Variants in NRXN3 observed in about 807,000 individuals in gnomAD.
The protein encoded by NRXN3 is neurexin 3.
In NRXN3, 32 loss-of-function variants were observed where a neutral mutation model predicts 137.6. The ratio of observed to expected loss-of-function variants is 0.23; its 90% CI spans 0.18 to 0.31. NRXN3 has a LOEUF of 0.31. Among genes scored for constraint, NRXN3 ranks in the 10% least tolerant of loss-of-function variants. The pLI is 1.00. For missense variants in NRXN3, 1,574 were observed against 2,062.5 expected (o/e 0.76, Z 4.59); for synonymous variants, 798 against 784.5 (o/e 1.02, Z -0.29).
At chr14:79,639,014 C>G (rs221472) in intron 16 of NRXN3, among the ~76,000 whole-genome samples, 6,373 of 152,188 alleles carry the variant, frequency 0.042, 488 homozygotes, top group African/African-American at 0.14. Context: ...CCTTTCATCT[C>G]TCTGTAATAC....
At chr14:79,118,155 G>GAAAAAAAA (rs761184450) in intron 15 of NRXN3, among the ~76,000 whole-genome samples, 1 of 117,900 alleles carries the variant, frequency 8.5e-6, no homozygotes. Context: ...ATACATGAGG[G>GAAAAAAAA]AAAAAAAAAA....
At chr14:78,415,540 C>T (rs1375781087) in intron 4 of NRXN3, among the ~76,000 whole-genome samples, 1 of 152,160 alleles carries the variant, frequency 6.6e-6, no homozygotes, top group Non-Finnish European at 1.5e-5. Context: ...AGGAAGGCTC[C>T]TTCACAAGAC....
At chr14:78,963,342 C>A (rs1430022204) in intron 11 of NRXN3, among the ~76,000 whole-genome samples, 1 of 152,100 alleles carries the variant, frequency 6.6e-6, no homozygotes, top group Middle Eastern at 3.2e-3. Flanking sequence ...ATTCTGACTT[C>A]TTAGTTCTCA....
intron 15 of NRXN3, among the ~76,000 whole-genome samples, chr14:79,238,256 AG>A (rs2153327586): frequency 6.6e-6 from 1 of 152,036 alleles, no homozygotes; most frequent in African/African-American, 2.4e-5. Context: ...TTATGTAGTT[AG>A]TTCTGGTTGT....
chr14:78,390,934 A>G (rs2090668627), intron 4 of NRXN3, among the ~76,000 whole-genome samples: 1 of 151,564 alleles, frequency 6.6e-6, no homozygotes, highest in South Asian at 2.1e-4. Flanking sequence ...TGCTCTCCCC[A>G]CCTCCATCCC....
intron 15 of NRXN3, among the ~76,000 whole-genome samples, chr14:79,082,575 C>T (rs2047277226): frequency 1.3e-5 from 2 of 152,062 alleles, no homozygotes; most frequent in South Asian, 2.1e-4. Flanking sequence ...CAGATTATCT[C>T]CAGTCTGAGT....
chr14:78,630,408 G>A (rs1421022462), intron 4 of NRXN3, among the ~76,000 whole-genome samples: 1 of 152,142 alleles, frequency 6.6e-6, no homozygotes, highest in Non-Finnish European at 1.5e-5. Flanking sequence ...AACCAAAAAA[G>A]TAGAAAGGAG....
intron 15 of NRXN3, among the ~76,000 whole-genome samples, chr14:79,149,711 G>A (rs1046722625): frequency 2.6e-5 from 4 of 152,128 alleles, no homozygotes; most frequent in South Asian, 2.1e-4. Context: ...TTGCAGGGAC[G>A]TGGAAGGAGC....
chr14:79,048,595 C>T (rs1019386627), intron 15 of NRXN3, among the ~76,000 whole-genome samples: 33 of 150,280 alleles, frequency 2.2e-4, no homozygotes, highest in African/African-American at 7.6e-4. Flanking sequence ...CTAAAAAATG[C>T]GAATGATTAT....
At chr14:78,450,157 A>G (rs2094517643) in intron 4 of NRXN3, among the ~76,000 whole-genome samples, 1 of 152,242 alleles carries the variant, frequency 6.6e-6, no homozygotes, top group Admixed American at 6.5e-5. Flanking sequence ...GACTGGGTAT[A>G]GGTATTAGAG....
chr14:79,766,883 C>T (rs527826509), intron 19 of NRXN3, among the ~76,000 whole-genome samples: 1 of 152,230 alleles, frequency 6.6e-6, no homozygotes, highest in South Asian at 2.1e-4. Context: ...TTTGGAATTG[C>T]AAGTAGTCTG....
At chr14:79,275,895 G>C (rs76957836) in intron 15 of NRXN3, among the ~76,000 whole-genome samples, 31 of 152,282 alleles carry the variant, frequency 2.0e-4, no homozygotes, top group South Asian at 1.9e-3. Context: ...GGAGCTAAGC[G>C]TGGTTGTTCC....
intron 20 of NRXN3, among the ~76,000 whole-genome samples, chr14:79,837,941 C>T (rs1472561877): frequency 1.3e-5 from 2 of 152,088 alleles, no homozygotes; most frequent in Non-Finnish European, 2.9e-5. Context: ...TTATATTTGT[C>T]TTATAGATAT....
intron 19 of NRXN3, among the ~76,000 whole-genome samples, chr14:79,770,193 C>T (rs1440033608): frequency 6.6e-6 from 1 of 152,116 alleles, no homozygotes; most frequent in African/African-American, 2.4e-5. Flanking sequence ...TAACACCCCA[C>T]TGTTAACATT....
At chr14:78,750,615 C>A (rs1240461625) in intron 8 of NRXN3, among the ~76,000 whole-genome samples, 2 of 152,198 alleles carry the variant, frequency 1.3e-5, no homozygotes, top group Non-Finnish European at 2.9e-5. Flanking sequence ...CACCTGCTTA[C>A]CCTCCTCTTC....
intron 15 of NRXN3, among the ~76,000 whole-genome samples, chr14:79,343,463 T>A (rs1013250158): frequency 6.6e-6 from 1 of 152,162 alleles, no homozygotes; most frequent in South Asian, 2.1e-4. Flanking sequence ...AAGGCGGTTT[T>A]ATAACTGAAA....
chr14:79,273,399 C>T (rs1191213282), intron 15 of NRXN3, among the ~76,000 whole-genome samples: 1 of 151,760 alleles, frequency 6.6e-6, no homozygotes, highest in African/African-American at 2.4e-5. Context: ...CTTTGGGAGG[C>T]CAAGACGAGC....
intron 5 of NRXN3, among the ~76,000 whole-genome samples, chr14:78,646,523 C>T (rs898171603): frequency 1.5e-4 from 23 of 152,126 alleles, no homozygotes; most frequent in African/African-American, 3.1e-4. Context: ...AATGTGAAAG[C>T]GTAAGAAATG....
intron 10 of NRXN3, among the ~76,000 whole-genome samples, chr14:78,941,341 C>T (rs2099352505): frequency 6.6e-6 from 1 of 152,156 alleles, no homozygotes; most frequent in Non-Finnish European, 1.5e-5. Flanking sequence ...ATACAAATGT[C>T]CCCTCCTCCA....
Sources: gnomAD v4.1 joint callset for allele counts (sites outside exome capture counted in the v4.1 genomes callset) on GRCh38, gnomAD v4.1.1 for gene constraint, MANE v1.5 for transcripts, NCBI Gene and HGNC (gene_info 2026-07-23, HGNC 2026-07-21) for gene names.